Variants in UBTD1 observed in about 807,000 individuals in gnomAD.
UBTD1 encodes the protein ubiquitin domain containing 1.
A neutral mutation model predicts 21.7 loss-of-function variants in UBTD1; 19 were observed. The observed-to-expected ratio is 0.87, with a 90% CI of 0.61 to 1.28. The LOEUF (loss-of-function observed/expected upper bound fraction) is 1.28, where lower values mean the gene tolerates loss of function less well. Ranked by LOEUF, UBTD1 falls within the 50% of genes most tolerant of loss-of-function variation. The pLI is 0.00. For synonymous variants in UBTD1, 116 were observed against 135.1 expected, an observed-to-expected ratio of 0.86 and a Z score of 0.98; for missense variants, 282 against 315.1, an observed-to-expected ratio of 0.89 and a Z score of 0.80.
intron 1 of UBTD1, among the ~76,000 whole-genome samples, chr10:97,564,910 G>A (rs1489859359): frequency 6.6e-6 from 1 of 152,146 alleles, no homozygotes; most frequent in Non-Finnish European, 1.5e-5. Flanking sequence ...TTGATTCGAG[G>A]ACTTAAGATA....
At chr10:97,535,940 A>G (rs533167358) in intron 1 of UBTD1, among the ~76,000 whole-genome samples, 23 of 144,118 alleles carry the variant, frequency 1.6e-4, no homozygotes, top group Non-Finnish European at 3.2e-4. Context: ...TAAAAAATTA[A>G]TGTATCACCT....
chr10:97,523,534 G>T (rs754881152), intron 1 of UBTD1, among the ~76,000 whole-genome samples: 50 of 152,100 alleles, frequency 3.3e-4, no homozygotes, highest in Non-Finnish European at 6.0e-4. Context: ...CAGCCTGTCT[G>T]CAGGGCCTGT....
rs1407137967 is a variant in UBTD1, at chr10:97,568,130, C to T, written c.287C>T (p.Thr96Ile). Residue 96 changes from threonine (T) to isoleucine (I), a missense_variant, in exon 2 of 3, where the codon ACC becomes ATC. Thr to Ile is a moderately conservative substitution (Grantham distance 89). Coordinates refer to ENST00000370664, the MANE Select transcript of UBTD1 (RefSeq NM_024954.5). ...AQAILDGASI[T>I]LPHGTLCECY... ...GCCATCCTGGATGGAGCCAGCATCA[C>T]CCTGCCTCATGGTAAGTGGGCAGGG... 13 of 1,613,554 alleles carry T rather than the reference C, an allele frequency of 8.1e-6. No homozygotes were observed. Among genetic ancestry groups the T allele is most frequent in the Non-Finnish European group, 1.1e-5 (13 of 1,180,048 alleles).
chr10:97,499,321 C>G, intron 1 of UBTD1, 48 bp downstream of exon 1: 1 of 1,533,270 alleles, frequency 6.5e-7, no homozygotes, highest in East Asian at 2.5e-5. Context: ...GCCAGTTGTC[C>G]CCCTCCTCGC....
chr10:97,561,178 T>A (rs1016514062), intron 1 of UBTD1, among the ~76,000 whole-genome samples: 3 of 152,070 alleles, frequency 2.0e-5, no homozygotes, highest in Non-Finnish European at 4.4e-5. Flanking sequence ...CCGGGTCAAT[T>A]TCCTACCCGG....
chr10:97,568,172 G>T, intron 2 of UBTD1, 31 bp downstream of exon 2: 1 of 1,609,258 alleles, frequency 6.2e-7, no homozygotes, highest in Non-Finnish European at 8.5e-7. Flanking sequence ...CTTTATCCCC[G>T]CTGGAGCTAG....
intron 1 of UBTD1, among the ~76,000 whole-genome samples, chr10:97,509,189 A>G (rs1258818915): frequency 2.0e-5 from 3 of 152,122 alleles, no homozygotes; most frequent in Admixed American, 2.0e-4. Flanking sequence ...GCAAGGCAGG[A>G]CTCATTTTTC....
chr10:97,563,350 A>G (rs1355861256), intron 1 of UBTD1, among the ~76,000 whole-genome samples: 3 of 152,206 alleles, frequency 2.0e-5, no homozygotes, highest in Non-Finnish European at 4.4e-5. Context: ...AAAAATATAC[A>G]GAGTTCTCCT....
chr10:97,500,179 G>A (rs967460788), intron 1 of UBTD1, among the ~76,000 whole-genome samples: 1 of 152,244 alleles, frequency 6.6e-6, no homozygotes, highest in Admixed American at 6.5e-5. Flanking sequence ...AAGTCACACA[G>A]CTAGTTAGGA....
chr10:97,534,579 GCACACACACACACACA>G (rs58308271), intron 1 of UBTD1, among the ~76,000 whole-genome samples: 13 of 145,360 alleles, frequency 8.9e-5, no homozygotes, highest in African/African-American at 3.2e-4. Flanking sequence ...ACGCGCGCGC[GCACACACACACACACA>G]CACACACACA....
At chr10:97,549,938 C>G (rs2040628733) in intron 1 of UBTD1, among the ~76,000 whole-genome samples, 1 of 152,230 alleles carries the variant, frequency 6.6e-6, no homozygotes, top group Non-Finnish European at 1.5e-5. Context: ...CCCGCCTGGG[C>G]TGATCCTTCT....
intron 1 of UBTD1, among the ~76,000 whole-genome samples, chr10:97,534,990 C>T (rs1341637304): frequency 2.6e-5 from 4 of 152,222 alleles, no homozygotes; most frequent in Non-Finnish European, 5.9e-5. Flanking sequence ...TCCCTGCCAC[C>T]CCCTTGAGGC....
At chr10:97,540,048 G>A (rs1406365072) in intron 1 of UBTD1, among the ~76,000 whole-genome samples, 1 of 152,166 alleles carries the variant, frequency 6.6e-6, no homozygotes, top group African/African-American at 2.4e-5. Context: ...AACCTTCTCT[G>A]AGGAAGGGGG....
chr10:97,541,209 G>A (rs542101420), intron 1 of UBTD1, among the ~76,000 whole-genome samples: 18 of 152,332 alleles, frequency 1.2e-4, no homozygotes, highest in Admixed American at 8.5e-4. Context: ...AGGCACGGTG[G>A]CTCATGCCTG....
At chr10:97,518,487 T>C (rs947948222) in intron 1 of UBTD1, among the ~76,000 whole-genome samples, 1 of 152,230 alleles carries the variant, frequency 6.6e-6, no homozygotes, top group African/African-American at 2.4e-5. Context: ...CTTCTATGTG[T>C]GTCTTCCTTG....
At chr10:97,547,810 C>T (rs1262156749) in intron 1 of UBTD1, among the ~76,000 whole-genome samples, 1 of 152,172 alleles carries the variant, frequency 6.6e-6, no homozygotes, top group Non-Finnish European at 1.5e-5. Flanking sequence ...GTTGATCCAC[C>T]TGCCTTGGCC....
intron 1 of UBTD1, among the ~76,000 whole-genome samples, chr10:97,524,211 T>C (rs1213770272): frequency 6.6e-6 from 1 of 152,134 alleles, no homozygotes; most frequent in African/African-American, 2.4e-5. Context: ...CCTCCCACTT[T>C]AGCCTCTAGA....
intron 1 of UBTD1, among the ~76,000 whole-genome samples, chr10:97,523,715 T>C (rs1272854979): frequency 6.6e-6 from 1 of 152,094 alleles, no homozygotes; most frequent in Non-Finnish European, 1.5e-5. Flanking sequence ...GCGGTATTTT[T>C]CCTCTGTCTT....
chr10:97,559,725 G>A (rs1045857250), intron 1 of UBTD1, among the ~76,000 whole-genome samples: 3 of 152,056 alleles, frequency 2.0e-5, no homozygotes, highest in Admixed American at 6.5e-5. Context: ...AAAAGAGCAG[G>A]TTGATGCTTA....
Sources: gnomAD v4.1 joint callset for allele counts (sites outside exome capture counted in the v4.1 genomes callset) on GRCh38, gnomAD v4.1.1 for gene constraint, MANE v1.5 for transcripts, NCBI Gene and HGNC (gene_info 2026-07-23, HGNC 2026-07-21) for gene names.